The following LRRTM4 variants were observed in gnomAD, a reference collection of about 807,000 sequenced individuals.
LRRTM4 encodes leucine rich repeat transmembrane neuronal 4.
A neutral mutation model predicts 47.6 loss-of-function variants in LRRTM4; 25 were observed. The ratio of observed to expected loss-of-function variants is 0.53; its 90% CI spans 0.38 to 0.73. The LOEUF (loss-of-function observed/expected upper bound fraction) is 0.73, where lower values mean the gene tolerates loss of function less well. Among genes scored for constraint, LRRTM4 ranks in the 30% least tolerant of loss-of-function variants. The probability of loss-of-function intolerance (pLI) is 0.00; values close to 1 mark genes in which losing one functional copy is unlikely to be tolerated. For missense variants in LRRTM4, 638 were observed against 713.4 expected (o/e 0.89, Z 1.20); for synonymous variants, 311 against 269.5 (o/e 1.15, Z -1.51).
intron 3 of LRRTM4, among the ~76,000 whole-genome samples, chr2:76,932,549 T>C (rs947683998): frequency 2.0e-5 from 3 of 152,056 alleles, no homozygotes; most frequent in African/African-American, 7.2e-5. Context: ...CTGTATCAAG[T>C]TTGGAATTTG....
intron 3 of LRRTM4, among the ~76,000 whole-genome samples, chr2:76,916,279 G>A (rs1674241663): frequency 6.7e-6 from 1 of 150,132 alleles, no homozygotes; most frequent in African/African-American, 2.4e-5. Flanking sequence ...CAGCTACTCA[G>A]GAGGCTAAGG....
At chr2:76,771,630 C>T (rs1212296940) in intron 3 of LRRTM4, among the ~76,000 whole-genome samples, 1 of 143,830 alleles carries the variant, frequency 7.0e-6, no homozygotes, top group South Asian at 2.2e-4. Context: ...CAAATTCTTG[C>T]CAGGTGAACA....
chr2:77,150,690 T>G (rs1672394613), intron 3 of LRRTM4, among the ~76,000 whole-genome samples: 1 of 152,168 alleles, frequency 6.6e-6, no homozygotes, highest in Non-Finnish European at 1.5e-5. Context: ...TGGTTGTCTG[T>G]TAAAAGAACA....
At chr2:77,255,951 AAAC>A in intron 3 of LRRTM4, among the ~76,000 whole-genome samples, 1 of 152,210 alleles carries the variant, frequency 6.6e-6, no homozygotes, top group Non-Finnish European at 1.5e-5. Context: ...TAAAAACAAT[AAAC>A]AACAGAGAAA....
intron 3 of LRRTM4, among the ~76,000 whole-genome samples, chr2:77,292,119 G>C (rs531920424): frequency 1.3e-5 from 2 of 152,098 alleles, no homozygotes; most frequent in East Asian, 3.9e-4. Context: ...CTGGCTATCA[G>C]AGAAATGCAA....
chr2:77,275,494 G>C (rs540365042), intron 3 of LRRTM4, among the ~76,000 whole-genome samples: 1 of 152,228 alleles, frequency 6.6e-6, no homozygotes, highest in South Asian at 2.1e-4. Flanking sequence ...AAATTATTCT[G>C]TAGGCAATGT....
intron 3 of LRRTM4, among the ~76,000 whole-genome samples, chr2:77,416,650 T>C (rs564633845): frequency 6.6e-6 from 1 of 152,128 alleles, no homozygotes; most frequent in Admixed American, 6.6e-5. Flanking sequence ...ATTAATATAA[T>C]CTTAGCAAAA....
chr2:77,415,366 GC>G (rs970846958), intron 3 of LRRTM4, among the ~76,000 whole-genome samples: 1 of 151,992 alleles, frequency 6.6e-6, no homozygotes, highest in African/African-American at 2.4e-5. Flanking sequence ...GTTGAAAGTT[GC>G]TTTCTACTCT....
chr2:77,001,327 A>C (rs575286175), intron 3 of LRRTM4, among the ~76,000 whole-genome samples: 1 of 152,220 alleles, frequency 6.6e-6, no homozygotes, highest in South Asian at 2.1e-4. Context: ...TTCTTGAATA[A>C]CTGACAGGGG....
intron 3 of LRRTM4, among the ~76,000 whole-genome samples, chr2:77,420,884 T>C (rs1265641497): frequency 2.1e-5 from 3 of 145,842 alleles, no homozygotes; most frequent in South Asian, 2.1e-4. Flanking sequence ...ATATATAATA[T>C]ATAATATATT....
chr2:76,884,502 G>A lies in LRRTM4; in HGVS notation c.1552-135586C>T, dbSNP rs58157747. ...AAGTATCTTTATGTACCTATTAAAA[G>A]GTTTGCATATACTGCATAAACCCAT... is the stretch of plus-strand genomic sequence containing the variant. On this transcript the variant is annotated intron_variant, in intron 3 of 3. Transcript: ENST00000409884. 6.1e-3 allele frequency among the ~76,000 whole-genome samples: 931 copies of A among 152,146 alleles called. 12 individuals are homozygous for A. The highest frequency in any genetic ancestry group is 0.021 in the African/African-American group (889 of 41,506).
chr2:77,026,654 T>C (rs1678464406), intron 3 of LRRTM4, among the ~76,000 whole-genome samples: 1 of 151,968 alleles, frequency 6.6e-6, no homozygotes, highest in African/African-American at 2.4e-5. Context: ...AAAAGCTGTT[T>C]ATTGTCATAG....
chr2:76,921,319 G>C (rs562822655), intron 3 of LRRTM4, among the ~76,000 whole-genome samples: 2 of 152,202 alleles, frequency 1.3e-5, no homozygotes, highest in South Asian at 4.1e-4. Context: ...AGGGAGACCA[G>C]AAGTTCCCTT....
At chr2:76,852,434 A>T (rs1672025301) in intron 3 of LRRTM4, among the ~76,000 whole-genome samples, 1 of 152,158 alleles carries the variant, frequency 6.6e-6, no homozygotes, top group Non-Finnish European at 1.5e-5. Context: ...TAAAGTCCCA[A>T]TCCCCATCAG....
chr2:77,168,809 G>T (rs1433055667), intron 3 of LRRTM4, among the ~76,000 whole-genome samples: 1 of 152,062 alleles, frequency 6.6e-6, no homozygotes, highest in African/African-American at 2.4e-5. Flanking sequence ...GTCATTCTGT[G>T]CTTGGCTTAC....
At chr2:76,999,469 G>A (rs17013539) in intron 3 of LRRTM4, among the ~76,000 whole-genome samples, 6,178 of 151,596 alleles carry the variant, frequency 0.041, 440 homozygotes, top group African/African-American at 0.14. Context: ...AAGCGTTGGT[G>A]AGGAGTTTGC....
At chr2:76,832,454 C>CTTTTT (rs541805872) in intron 3 of LRRTM4, among the ~76,000 whole-genome samples, 72 of 94,036 alleles carry the variant, frequency 7.7e-4, no homozygotes, top group Non-Finnish European at 8.8e-4. Context: ...CCTCGAAGGG[C>CTTTTT]TTTTTTTTTT....
chr2:77,449,580 C>G (rs527371784), intron 3 of LRRTM4, among the ~76,000 whole-genome samples: 19 of 152,216 alleles, frequency 1.2e-4, no homozygotes, highest in African/African-American at 4.3e-4. Context: ...TACTAAGGTT[C>G]AATCATGTGA....
chr2:76,876,075 A>C (rs1672771066), intron 3 of LRRTM4, among the ~76,000 whole-genome samples: 1 of 152,148 alleles, frequency 6.6e-6, no homozygotes. Context: ...CTCTCTAATC[A>C]AGTCTAATTG....
Sources: allele counts gnomAD v4.1 joint callset (sites outside exome capture counted in the v4.1 genomes callset), GRCh38; gene constraint gnomAD v4.1.1; transcripts MANE v1.5; gene names NCBI Gene and HGNC (gene_info 2026-07-23, HGNC 2026-07-21).